PNPLA8: variants seen among roughly 807,000 people sequenced by gnomAD.
PNPLA8 encodes the protein patatin like domain 8, phospholipase A2, also known as calcium-independent phospholipase A2-gamma.
PNPLA8 carries 39 observed loss-of-function variants against 76.9 expected under a neutral mutation model. The observed-to-expected ratio is 0.51, with a 90% CI of 0.39 to 0.66. PNPLA8 has a LOEUF of 0.66. PNPLA8 is among the 30% of genes least tolerant of loss of function. The pLI is 0.00. For synonymous variants in PNPLA8, 301 were observed against 307.9 expected (o/e 0.98, Z 0.24); for missense variants, 887 against 918.0 (o/e 0.97, Z 0.44).
At chr7:108,516,983 T>C (rs1045802623) in intron 2 of PNPLA8, among the ~76,000 whole-genome samples, 1 of 151,542 alleles carries the variant, frequency 6.6e-6, no homozygotes, top group African/African-American at 2.4e-5. Context: ...GAGGCAGAGA[T>C]TGGGAAAAAA....
At chr7:108,505,303 TA>T (rs1862264706) in intron 4 of PNPLA8, among the ~76,000 whole-genome samples, 1 of 3,042 alleles carries the variant, frequency 3.3e-4, no homozygotes, top group Non-Finnish European at 5.5e-4. Flanking sequence ...AGAAAATTTA[TA>T]TATATATATA....
intron 1 of PNPLA8, among the ~76,000 whole-genome samples, chr7:108,523,367 A>ACCCTTCAGCTTCTGC (rs1254159190): frequency 6.6e-6 from 1 of 151,650 alleles, no homozygotes; most frequent in African/African-American, 2.4e-5. Context: ...AAAGCTCCTT[A>ACCCTTCAGCTTCTGC]TCTGAGGAAT....
At chr7:108,505,146 T>A (rs893394035) in intron 4 of PNPLA8, among the ~76,000 whole-genome samples, 3 of 150,556 alleles carry the variant, frequency 2.0e-5, no homozygotes, top group African/African-American at 7.4e-5. Context: ...ATGATAAAGG[T>A]CTTTTCAATA....
At position 108,512,609 on chromosome 7, in the gene PNPLA8, A is replaced by G. The variant is rs114464899; in HGVS notation, c.1206+1535T>C. Among the ~76,000 whole-genome samples the G allele has an allele frequency of 3.9e-3, 594 of 152,324 alleles. 2 individuals are homozygous for G. The highest frequency in any genetic ancestry group is 0.013 in the African/African-American group (557 of 41,586). On this transcript the variant is annotated intron_variant, in intron 4 of 10. Coordinates refer to ENST00000257694, the MANE Select transcript of PNPLA8 (RefSeq NM_001256007.3). ...GATACAGATGTTTTATAAAAATTCT[A>G]TCATTTTTAAAAAGCTCAACTCTTG...
intron 8 of PNPLA8, among the ~76,000 whole-genome samples, chr7:108,488,874 T>C (rs10487859): frequency 0.28 from 42,413 of 152,118 alleles, 6,250 homozygotes; most frequent in African/African-American, 0.32. Context: ...TGACAGGTAT[T>C]GATGAGGCCA....
At chr7:108,507,344 A>C in intron 4 of PNPLA8, among the ~76,000 whole-genome samples, 1 of 145,930 alleles carries the variant, frequency 6.9e-6, no homozygotes, top group Non-Finnish European at 1.5e-5. Context: ...TCTGTCTCAA[A>C]AAAAAAAAAA....
chr7:108,479,433 C>G, intron 9 of PNPLA8, 54 bp from the exon 10 acceptor site: 1 of 1,214,506 alleles, frequency 8.2e-7, no homozygotes, highest in South Asian at 1.3e-5. Flanking sequence ...ACGGGGAAAG[C>G]TGAACTATGT....
At chr7:108,482,258 C>CTCCT (rs1419845292) in intron 9 of PNPLA8, among the ~76,000 whole-genome samples, 1 of 152,080 alleles carries the variant, frequency 6.6e-6, no homozygotes, top group African/African-American at 2.4e-5. Flanking sequence ...ATTGCCTGAG[C>CTCCT]CCAGGAGTTC....
At chr7:108,491,041 A>G (rs1160336312) in intron 8 of PNPLA8, among the ~76,000 whole-genome samples, 1 of 152,250 alleles carries the variant, frequency 6.6e-6, no homozygotes, top group Admixed American at 6.5e-5. Context: ...ACGATGGCTC[A>G]TGCCTGTAAT....
At chr7:108,477,793 G>A (rs187362887) in intron 10 of PNPLA8, among the ~76,000 whole-genome samples, 1 of 152,260 alleles carries the variant, frequency 6.6e-6, no homozygotes, top group East Asian at 1.9e-4. Context: ...GAGCCCAGGA[G>A]TTTGAGGCTG....
intron 9 of PNPLA8, chr7:108,480,679 C>A: frequency 2.6e-6 from 1 of 388,796 alleles, no homozygotes; most frequent in Non-Finnish European, 5.4e-6. Flanking sequence ...AATACTTAAA[C>A]ATTTTCAGTA....
At chr7:108,512,387 T>C (rs1271199668) in intron 4 of PNPLA8, among the ~76,000 whole-genome samples, 2 of 152,302 alleles carry the variant, frequency 1.3e-5, no homozygotes, top group African/African-American at 2.4e-5. Flanking sequence ...AGTTCTTCTT[T>C]TTAATTAAAA....
intron 7 of PNPLA8, 23 bp from the exon 8 acceptor site, chr7:108,491,490 A>T: frequency 2.8e-6 from 4 of 1,445,834 alleles, no homozygotes; most frequent in Non-Finnish European, 2.9e-6. Flanking sequence ...AGAAAAAAAT[A>T]AGTTATATCA....
intron 9 of PNPLA8, among the ~76,000 whole-genome samples, chr7:108,484,344 CTAA>C (rs1424300380): frequency 6.6e-6 from 1 of 152,106 alleles, no homozygotes; most frequent in Non-Finnish European, 1.5e-5. Context: ...GGTCATTGGG[CTAA>C]TATTAGGTCC....
In PNPLA8 at chr7:108,514,747, G is replaced by A. The variant is rs775049461; in HGVS notation, c.745C>T (p.Pro249Ser). 5 of 1,613,332 alleles carry A rather than the reference G, an allele frequency of 3.1e-6. No individual in the cohort carries two copies. The Admixed American group carries it at 5.0e-5, about 16-fold the overall frequency. The change falls in exon 3 of 11, where the codon CCA (proline) becomes TCA (serine). Residue 249 changes from proline to serine, a missense_variant. Physicochemically the swap from Pro to Ser is moderately conservative, Grantham distance 74 (BLOSUM62 -1). Transcript: ENST00000257694. ...TTATAAGCCAGGATGCCAGGATCTG[G>A]AGATCTTAATTTCCCCTCTTCTACC... is the stretch of plus-strand genomic sequence containing the variant. Reference protein sequence around the residue: ...KKVEEGKLRSPDPGILAYKPG... With the variant: ...KKVEEGKLRSSDPGILAYKPG...
In PNPLA8 at chr7:108,487,415, G is replaced by A. The variant is rs146016328; in HGVS notation, c.1878+344C>T. ...ATATGCCCACCCAAACTGTCAAGCA[G>A]ACTGGGTTCTGCATTTTCAGGGAGT... On this transcript the variant is annotated intron_variant, in intron 9 of 10. Transcript: ENST00000257694. Among the ~76,000 whole-genome samples the A allele has an allele frequency of 3.3e-5, 5 of 152,256 alleles. No individual in the cohort carries two copies. The East Asian group carries it at 9.6e-4, about 29-fold the overall frequency.
intron 6 of PNPLA8, 34 bp from the exon 7 acceptor site, chr7:108,496,789 T>A (rs758148091): frequency 6.6e-7 from 1 of 1,509,666 alleles, no homozygotes; most frequent in Admixed American, 1.8e-5. Flanking sequence ...TTATCAGTGT[T>A]AAGTTATAGC....
At chr7:108,524,855 ACT>A (rs1395526159) in intron 1 of PNPLA8, among the ~76,000 whole-genome samples, 2 of 152,112 alleles carry the variant, frequency 1.3e-5, no homozygotes, top group African/African-American at 4.8e-5. Context: ...CAGCATTCTA[ACT>A]CTGACCTTTT....
At chr7:108,508,846 G>C (rs1862657785) in intron 4 of PNPLA8, among the ~76,000 whole-genome samples, 1 of 145,336 alleles carries the variant, frequency 6.9e-6, no homozygotes, top group South Asian at 2.2e-4. Flanking sequence ...CAATGGAACA[G>C]AACAGAGCCC....
Sources: gnomAD v4.1 joint callset for allele counts (sites outside exome capture counted in the v4.1 genomes callset) on GRCh38, gnomAD v4.1.1 for gene constraint, MANE v1.5 for transcripts, NCBI Gene and HGNC (gene_info 2026-07-23, HGNC 2026-07-21) for gene names.